Variants in HIBADH observed in about 807,000 individuals in gnomAD.
HIBADH encodes 3-hydroxyisobutyrate dehydrogenase, mitochondrial.
Under a neutral mutation model 36.1 loss-of-function variants are expected in HIBADH, and 25 were observed. That is an observed-to-expected ratio of 0.69 (90% CI 0.50 to 0.97). The LOEUF is 0.97. Among genes scored for constraint, HIBADH ranks in the 50% least tolerant of loss-of-function variants. The pLI is 0.00. For synonymous variants in HIBADH, 160 were observed against 149.5 expected (o/e 1.07, Z -0.51); for missense variants, 421 against 418.0 (o/e 1.01, Z -0.06).
At chr7:27,634,249 C>G (rs555986846) in intron 2 of HIBADH, among the ~76,000 whole-genome samples, 3 of 152,166 alleles carry the variant, frequency 2.0e-5, no homozygotes, top group South Asian at 2.1e-4. Context: ...AAAGACAATA[C>G]AGCATTTTAT....
chr7:27,596,396 C>T (rs1167210544), intron 4 of HIBADH, among the ~76,000 whole-genome samples: 1 of 152,204 alleles, frequency 6.6e-6, no homozygotes, highest in Non-Finnish European at 1.5e-5. Context: ...AAGTTTCTAA[C>T]ACATGAATTC....
chr7:27,655,705 A>G (rs549796296), intron 1 of HIBADH, among the ~76,000 whole-genome samples: 2 of 151,936 alleles, frequency 1.3e-5, no homozygotes, highest in South Asian at 4.2e-4. Flanking sequence ...TAATTTTTTA[A>G]AGTAGGCAAA....
intron 1 of HIBADH, among the ~76,000 whole-genome samples, chr7:27,662,333 C>T (rs1244257616): frequency 1.3e-5 from 2 of 152,078 alleles, no homozygotes; most frequent in Non-Finnish European, 2.9e-5. Context: ...GGGGTGAGTG[C>T]GGGTTGCTCC....
chr7:27,555,911 G>A (rs1583567399), intron 4 of HIBADH, among the ~76,000 whole-genome samples: 1 of 152,186 alleles, frequency 6.6e-6, no homozygotes, highest in East Asian at 1.9e-4. Context: ...AGGGTCACAT[G>A]ATCAAGGGTA....
intron 2 of HIBADH, among the ~76,000 whole-genome samples, chr7:27,642,208 T>C (rs375463182): frequency 1.5e-3 from 202 of 134,370 alleles, no homozygotes; most frequent in African/African-American, 5.8e-3. Flanking sequence ...TATGCAGGAA[T>C]CTTGGAGACC....
chr7:27,658,639 A>G (rs1209294094), intron 1 of HIBADH, among the ~76,000 whole-genome samples: 3 of 152,194 alleles, frequency 2.0e-5, no homozygotes, highest in Non-Finnish European at 4.4e-5. Flanking sequence ...CTAGAATGAA[A>G]AAGTATACAG....
chr7:27,594,168 A>G (rs190874779), intron 4 of HIBADH, among the ~76,000 whole-genome samples: 1,915 of 148,318 alleles, frequency 0.013, 22 homozygotes, highest in Middle Eastern at 0.034. Context: ...TTTCTGAAAC[A>G]GAGTTTCGCT....
chr7:27,611,633 T>G (rs75859962), intron 4 of HIBADH, among the ~76,000 whole-genome samples: 1 of 152,184 alleles, frequency 6.6e-6, no homozygotes, highest in African/African-American at 2.4e-5. Context: ...ATCATACTTA[T>G]GAGACCTGTG....
intron 4 of HIBADH, among the ~76,000 whole-genome samples, chr7:27,560,441 T>G (rs915333797): frequency 6.6e-6 from 1 of 152,198 alleles, no homozygotes; most frequent in African/African-American, 2.4e-5. Context: ...ATTTTAAATA[T>G]TTTTTATTTC....
At position 27,596,455 on chromosome 7, in the gene HIBADH, T is replaced by C. The variant is rs371151732; in HGVS notation, c.484+32916A>G. On this transcript the variant is annotated intron_variant, in intron 4 of 7. Transcript: ENST00000265395. ...CATTCTCCTACATTGTTGGTGGAAG[T>C]AAAAACTTTGATGAAAAGACTGGCA... is the stretch of plus-strand genomic sequence containing the variant. Among the ~76,000 whole-genome samples the C allele has an allele frequency of 2.3e-3, 356 of 152,306 alleles. 1 individual carries two copies. The highest frequency in any genetic ancestry group is 3.7e-3 in the Non-Finnish European group (249 of 68,024).
intron 6 of HIBADH, among the ~76,000 whole-genome samples, chr7:27,534,998 C>T (rs1312195622): frequency 2.0e-5 from 3 of 147,984 alleles, no homozygotes; most frequent in East Asian, 2.1e-4. Context: ...CAAATGCCAT[C>T]GTACTGGCTA....
chr7:27,606,511 G>A (rs986730063), intron 4 of HIBADH, among the ~76,000 whole-genome samples: 15 of 152,328 alleles, frequency 9.8e-5, no homozygotes, highest in Middle Eastern at 3.4e-3. Flanking sequence ...TCCAGCTCTT[G>A]ACTCCAGACT....
chr7:27,565,249 T>C lies in HIBADH; in HGVS notation c.485-22149A>G, dbSNP rs115813909. On this transcript the variant is annotated intron_variant, in intron 4 of 7. Transcript: ENST00000265395. ...TGCTTACCCTGCCTCATCCATTCTTTCATGTGGAAACCACAACAAAGGCTC... is the reference window on the plus strand; with the variant it reads ...TGCTTACCCTGCCTCATCCATTCTTCCATGTGGAAACCACAACAAAGGCTC... Among the ~76,000 whole-genome samples the C allele has an allele frequency of 4.0e-3, 610 of 152,330 alleles. 2 individuals carry two copies. Among genetic ancestry groups the C allele is most frequent in the African/African-American group, 0.014 (574 of 41,588 alleles).
intron 1 of HIBADH, among the ~76,000 whole-genome samples, chr7:27,658,638 A>G (rs1251361375): frequency 6.6e-6 from 1 of 152,188 alleles, no homozygotes; most frequent in Non-Finnish European, 1.5e-5. Flanking sequence ...ACTAGAATGA[A>G]AAAGTATACA....
At chr7:27,661,618 G>C (rs1484897102) in intron 1 of HIBADH, among the ~76,000 whole-genome samples, 1 of 150,416 alleles carries the variant, frequency 6.6e-6, no homozygotes, top group East Asian at 1.9e-4. Context: ...AAGGGCGGGG[G>C]GCCAAGGGGC....
intron 2 of HIBADH, among the ~76,000 whole-genome samples, chr7:27,648,187 T>C (rs781601077): frequency 7.2e-5 from 11 of 152,224 alleles, no homozygotes; most frequent in Non-Finnish European, 1.0e-4. Flanking sequence ...AAAGGCCGCC[T>C]TTCCCAGATT....
At position 27,538,331 on chromosome 7, in the gene HIBADH, T is replaced by A. The variant is rs779356103; in HGVS notation, c.695+10A>T. The A allele has an allele frequency of 6.2e-7, 1 of 1,604,488 alleles. No homozygotes were observed. The highest frequency in any genetic ancestry group is 8.5e-7 in the Non-Finnish European group (1 of 1,172,462). On this transcript the variant is annotated intron_variant, in intron 6 of 7. Coordinates refer to ENST00000265395, the MANE Select transcript of HIBADH (RefSeq NM_152740.4). The stretch of plus-strand genomic sequence containing the variant: ...AAAATGTTAGTATAAAAACGTACTA[T>A]TCAACAAACCTGATTCCAAGATTCA...
At chr7:27,542,397 T>C (rs1784164334) in intron 5 of HIBADH, among the ~76,000 whole-genome samples, 1 of 151,058 alleles carries the variant, frequency 6.6e-6, no homozygotes. Flanking sequence ...GTTGCTGGGA[T>C]GACAGACATG....
chr7:27,591,733 C>T (rs995458229), intron 4 of HIBADH, among the ~76,000 whole-genome samples: 47 of 152,182 alleles, frequency 3.1e-4, no homozygotes, highest in African/African-American at 1.1e-3. Flanking sequence ...AATCTGTCCC[C>T]TTGAAACTTA....
Sources: gnomAD v4.1 joint callset for allele counts (sites outside exome capture counted in the v4.1 genomes callset) on GRCh38, gnomAD v4.1.1 for gene constraint, MANE v1.5 for transcripts, NCBI Gene and HGNC (gene_info 2026-07-23, HGNC 2026-07-21) for gene names.